The following SGCD variants were observed in gnomAD, a reference collection of about 807,000 sequenced individuals.
The protein encoded by SGCD is sarcoglycan delta.
SGCD carries 18 observed loss-of-function variants against 36.6 expected under a neutral mutation model. That is an observed-to-expected ratio of 0.49 (90% CI 0.34 to 0.73). The LOEUF is 0.73. Among genes scored for constraint, SGCD ranks in the 30% least tolerant of loss-of-function variants. The pLI, the probability that SGCD is intolerant of heterozygous loss-of-function variation, is 0.01. For synonymous variants in SGCD, 133 were observed against 130.6 expected (o/e 1.02, Z -0.12); for missense variants, 387 against 346.7 (o/e 1.12, Z -0.92).
the SGCD span, among the ~76,000 whole-genome samples, chr5:155,833,749 C>T: frequency 6.6e-6 from 1 of 152,186 alleles, no homozygotes; most frequent in Non-Finnish European, 1.5e-5. Context: ...CATGTTGCCC[C>T]TGCATGATGT....
At chr5:156,022,984 T>C (rs1056492910) in intron 1 of SGCD, among the ~76,000 whole-genome samples, 8 of 152,258 alleles carry the variant, frequency 5.3e-5, no homozygotes, top group African/African-American at 1.7e-4. Context: ...ATCATTTTTC[T>C]CTTAAGTGTA....
chr5:155,914,994 A>C (rs1228263885), intron 1 of SGCD, among the ~76,000 whole-genome samples: 1 of 152,172 alleles, frequency 6.6e-6, no homozygotes, highest in Non-Finnish European at 1.5e-5. Context: ...ACCACAGTGT[A>C]CTCCCAGGAG....
intron 1 of SGCD, among the ~76,000 whole-genome samples, chr5:156,027,598 A>G (rs1332836762): frequency 6.6e-6 from 1 of 152,082 alleles, no homozygotes; most frequent in Non-Finnish European, 1.5e-5. Context: ...AATGCTATAC[A>G]TTTCCCAGAA....
chr5:156,462,587 G>A (rs1754533841), intron 3 of SGCD, among the ~76,000 whole-genome samples: 1 of 152,100 alleles, frequency 6.6e-6, no homozygotes, highest in East Asian at 1.9e-4. Flanking sequence ...TAACTTATTA[G>A]AATTATGTAT....
intron 7 of SGCD, among the ~76,000 whole-genome samples, chr5:156,706,567 C>CAACTGATGG (rs1754751892): frequency 6.6e-6 from 1 of 152,128 alleles, no homozygotes; most frequent in South Asian, 2.1e-4. Context: ...CGTACTCCAT[C>CAACTGATGG]AGTTCTCTCT....
chr5:156,070,439 A>G (rs999443787), intron 1 of SGCD, among the ~76,000 whole-genome samples: 1 of 150,670 alleles, frequency 6.6e-6, no homozygotes, highest in Non-Finnish European at 1.5e-5. Flanking sequence ...ACATTTATTG[A>G]TTTGTGTATA....
intron 1 of SGCD, among the ~76,000 whole-genome samples, chr5:155,889,087 A>G (rs912772527): frequency 1.3e-4 from 20 of 152,136 alleles, no homozygotes; most frequent in Non-Finnish European, 1.8e-4. Context: ...CTCTTTTACT[A>G]TATGTATCTT....
intron 2 of SGCD, among the ~76,000 whole-genome samples, chr5:156,336,624 T>C (rs1277425999): frequency 6.6e-6 from 1 of 152,174 alleles, no homozygotes; most frequent in Non-Finnish European, 1.5e-5. Flanking sequence ...ATGCTCTTGT[T>C]TGTGTAAAAA....
intron 3 of SGCD, among the ~76,000 whole-genome samples, chr5:156,309,257 T>A (rs1354668261): frequency 6.6e-6 from 1 of 152,188 alleles, no homozygotes; most frequent in East Asian, 1.9e-4. Flanking sequence ...TTTTTCCATC[T>A]AGAAAATGAT....
intron 3 of SGCD, among the ~76,000 whole-genome samples, chr5:156,271,599 T>C (rs948567091): frequency 6.6e-6 from 1 of 152,072 alleles, no homozygotes; most frequent in Non-Finnish European, 1.5e-5. Flanking sequence ...TTACTGAGAG[T>C]GTCTCAATTT....
At chr5:156,687,883 A>G (rs923769721) in intron 7 of SGCD, among the ~76,000 whole-genome samples, 3 of 152,174 alleles carry the variant, frequency 2.0e-5, no homozygotes, top group African/African-American at 7.2e-5. Context: ...ATTCCCAGGT[A>G]TGCACTACCG....
At chr5:156,308,785 A>G (rs1190789648) in intron 3 of SGCD, among the ~76,000 whole-genome samples, 1 of 152,202 alleles carries the variant, frequency 6.6e-6, no homozygotes, top group South Asian at 2.1e-4. Flanking sequence ...GTAGGCCTTC[A>G]GTGTCCTTTC....
intron 3 of SGCD, among the ~76,000 whole-genome samples, chr5:156,442,542 C>T (rs1263546778): frequency 6.6e-6 from 1 of 152,192 alleles, no homozygotes; most frequent in Non-Finnish European, 1.5e-5. Context: ...TTTCAGTCCA[C>T]AGTAGGCAGG....
intron 1 of SGCD, among the ~76,000 whole-genome samples, chr5:155,886,097 T>A (rs1415384557): frequency 1.3e-5 from 2 of 152,236 alleles, no homozygotes; most frequent in Non-Finnish European, 2.9e-5. Context: ...TATTTGCATT[T>A]GTGCAAAATT....
At chr5:156,666,896 GAGATC>G (rs1439450488) in intron 7 of SGCD, among the ~76,000 whole-genome samples, 1 of 152,224 alleles carries the variant, frequency 6.6e-6, no homozygotes, top group East Asian at 1.9e-4. Context: ...GCAGTGAGTT[GAGATC>G]ATGCCACTGC....
chr5:155,863,947 CAAAT>C, the SGCD span, among the ~76,000 whole-genome samples: 2 of 151,838 alleles, frequency 1.3e-5, no homozygotes, highest in Non-Finnish European at 1.5e-5. Context: ...GGGGGACAGA[CAAAT>C]AAACAATCAA....
intron 7 of SGCD, among the ~76,000 whole-genome samples, chr5:156,715,193 C>T (rs948081265): frequency 2.6e-5 from 4 of 151,772 alleles, no homozygotes; most frequent in Admixed American, 6.6e-5. Context: ...GAAATAATAA[C>T]GGAAAGGGGA....
chr5:155,751,438 G>T, the SGCD span, among the ~76,000 whole-genome samples: 2 of 152,110 alleles, frequency 1.3e-5, no homozygotes, highest in African/African-American at 2.4e-5. Flanking sequence ...CTGTTGCCTA[G>T]GTTGGAGTGC....
chr5:156,543,577 C>T (rs896224498), intron 4 of SGCD, among the ~76,000 whole-genome samples: 5 of 152,202 alleles, frequency 3.3e-5, no homozygotes, highest in Non-Finnish European at 7.3e-5. Flanking sequence ...GCCACAGCGT[C>T]TGCTCTGCAA....
Sources: allele counts gnomAD v4.1 joint callset (sites outside exome capture counted in the v4.1 genomes callset), GRCh38; gene constraint gnomAD v4.1.1; transcripts MANE v1.5; gene names NCBI Gene and HGNC (gene_info 2026-07-23, HGNC 2026-07-21).